TRIM49C: variants seen among roughly 807,000 people sequenced by gnomAD.
TRIM49C encodes the protein tripartite motif-containing protein 49C.
Under a neutral mutation model 21.4 loss-of-function variants are expected in TRIM49C, and 6 were observed. The ratio of observed to expected loss-of-function variants is 0.28; its 90% CI spans 0.15 to 0.55. The LOEUF (loss-of-function observed/expected upper bound fraction) is 0.55, where lower values mean the gene tolerates loss of function less well. Among genes scored for constraint, TRIM49C ranks in the 20% least tolerant of loss-of-function variants. TRIM49C has a pLI of 0.94. For missense variants in TRIM49C, 161 were observed against 442.4 expected, an observed-to-expected ratio of 0.36 and a Z score of 5.71; for synonymous variants, 57 against 148.1, an observed-to-expected ratio of 0.38 and a Z score of 4.47.
the TRIM49C span, chr11:90,052,419 CCTGA>C: frequency 5.4e-6 from 1 of 184,512 alleles, no homozygotes; most frequent in Admixed American, 7.5e-5. Context: ...TCGTGGTCAT[CCTGA>C]CTATGTGGTC....
the TRIM49C span, chr11:90,062,914 C>A: frequency 7.0e-7 from 1 of 1,432,004 alleles, no homozygotes; most frequent in Non-Finnish European, 9.2e-7. Flanking sequence ...TGCCCACAGT[C>A]AATGGTGACC....
the TRIM49C span, among the ~76,000 whole-genome samples, chr11:90,048,992 C>A: frequency 3.9e-5 from 5 of 127,332 alleles, 2 homozygotes; most frequent in Admixed American, 2.6e-4. Context: ...ACAGTCAGGA[C>A]CCTCAGCTGC....
the TRIM49C span, among the ~76,000 whole-genome samples, chr11:90,071,430 C>A: frequency 1.0e-3 from 147 of 141,482 alleles, 14 homozygotes; most frequent in African/African-American, 3.6e-3. Context: ...TGCTAGAATA[C>A]AATTGCCTCT....
chr11:90,045,761 C>T (rs933452062), downstream of TRIM49C, among the ~76,000 whole-genome samples: 2 of 115,674 alleles, frequency 1.7e-5, no homozygotes, highest in African/African-American at 7.1e-5. Flanking sequence ...ATTGAATACC[C>T]TTTATTTCTT....
the TRIM49C span, among the ~76,000 whole-genome samples, chr11:90,057,003 G>C: frequency 2.7e-5 from 4 of 147,768 alleles, no homozygotes; most frequent in Non-Finnish European, 5.9e-5. Flanking sequence ...TGTAAGATGA[G>C]ATATCCACCA....
chr11:90,071,299 G>C, the TRIM49C span: 1 of 413,490 alleles, frequency 2.4e-6, no homozygotes, highest in African/African-American at 2.1e-5. Flanking sequence ...GTGTAAGTGT[G>C]TGTACTTATG....
At chr11:90,071,090 C>A in the TRIM49C span, 263 of 489,152 alleles carry the variant, frequency 5.4e-4, 45 homozygotes, top group Non-Finnish European at 7.8e-4. Context: ...GCCACCTCAC[C>A]CAACAAGAAT....
At chr11:90,073,220 A>G in the TRIM49C span, 98 of 864,776 alleles carry the variant, frequency 1.1e-4, 21 homozygotes, top group East Asian at 1.7e-3. Flanking sequence ...CACCTCCCCA[A>G]TGTTTCCTCA....
chr11:90,033,624 G>A (rs1950702167), intron 2 of TRIM49C, among the ~76,000 whole-genome samples: 1 of 132,634 alleles, frequency 7.5e-6, no homozygotes, highest in African/African-American at 2.7e-5. Flanking sequence ...CTAGATTTGT[G>A]TGGTATATTC....
chr11:90,067,907 G>A, the TRIM49C span, among the ~76,000 whole-genome samples: 1 of 133,388 alleles, frequency 7.5e-6, no homozygotes, highest in Admixed American at 9.3e-5. Flanking sequence ...AGGAGAAAGA[G>A]GAGGGGTTGG....
chr11:90,060,489 GA>G, the TRIM49C span, among the ~76,000 whole-genome samples: 2 of 152,136 alleles, frequency 1.3e-5, no homozygotes, highest in Non-Finnish European at 2.9e-5. Flanking sequence ...AGCAAGAGAA[GA>G]TGGAGTAAAG....
chr11:90,055,956 CTTTT>C, the TRIM49C span, among the ~76,000 whole-genome samples: 1 of 97,846 alleles, frequency 1.0e-5, no homozygotes. Context: ...CATCTGGATT[CTTTT>C]TTTTTTTTTT....
At position 90,039,422 on chromosome 11, in the gene TRIM49C, T is replaced by A. The variant is rs527721229; in HGVS notation, c.762-443T>A. Among the ~76,000 whole-genome samples the A allele has an allele frequency of 1.3e-4, 16 of 127,202 alleles. 2 individuals are homozygous for A. The South Asian group carries it at 4.6e-3, about 36-fold the overall frequency. The allele number at this position is 127,202 out of a possible 152,430, so 83.4% of individuals were successfully genotyped here. ...AAATAGATTGAAAAAAACTGTGGAGTGTTAGAACTGTATAAGTCTCTAGGG... is the reference window on the plus strand; with the variant it reads ...AAATAGATTGAAAAAAACTGTGGAGAGTTAGAACTGTATAAGTCTCTAGGG... On this transcript the variant is annotated intron_variant, in intron 6 of 7. Coordinates refer to ENST00000448984, the MANE Select transcript of TRIM49C (RefSeq NM_001195234.1).
intron 7 of TRIM49C, among the ~76,000 whole-genome samples, 157 bp from the exon 8 acceptor site, chr11:90,040,894 T>G (rs1190239611): frequency 1.3e-5 from 2 of 150,322 alleles, no homozygotes; most frequent in African/African-American, 4.9e-5. Flanking sequence ...GTTTGTCTTG[T>G]ATATAATATT....
chr11:90,043,732 A>G (rs1252978690), downstream of TRIM49C, among the ~76,000 whole-genome samples: 1 of 121,904 alleles, frequency 8.2e-6, no homozygotes, highest in East Asian at 2.5e-4. Flanking sequence ...AGCCTAGCAG[A>G]TGCATATTCA....
chr11:90,062,519 C>T, the TRIM49C span: 28 of 1,140,720 alleles, frequency 2.5e-5, 7 homozygotes, highest in East Asian at 6.6e-4. Context: ...TCATCACCAT[C>T]ATTGTCACAG....
the TRIM49C span, chr11:90,071,272 T>G: frequency 2.2e-6 from 1 of 460,980 alleles, no homozygotes; most frequent in African/African-American, 2.0e-5. Context: ...CACCATAATG[T>G]GTCAATGTGA....
chr11:90,064,451 A>G, the TRIM49C span, among the ~76,000 whole-genome samples: 3 of 148,818 alleles, frequency 2.0e-5, no homozygotes, highest in East Asian at 2.0e-4. Context: ...ATCCAGAAAT[A>G]CAGTTAATGG....
chr11:90,072,426 T>G, the TRIM49C span, among the ~76,000 whole-genome samples: 2 of 147,090 alleles, frequency 1.4e-5, 1 homozygote, highest in African/African-American at 5.0e-5. Context: ...AATCTGCACT[T>G]TTCAGAAGGC....
Sources: gnomAD v4.1 joint callset for allele counts (sites outside exome capture counted in the v4.1 genomes callset) on GRCh38, gnomAD v4.1.1 for gene constraint, MANE v1.5 for transcripts, NCBI Gene and HGNC (gene_info 2026-07-23, HGNC 2026-07-21) for gene names.